PACRG: variants seen among roughly 807,000 people sequenced by gnomAD.
PACRG encodes the protein parkin coregulated gene protein.
Under a neutral mutation model 29.7 loss-of-function variants are expected in PACRG, and 29 were observed. That is an observed-to-expected ratio of 0.98 (90% CI 0.73 to 1.33). The LOEUF is 1.33. Among genes scored for constraint, PACRG ranks in the 40% most tolerant of loss-of-function variants. The pLI is 0.00. For missense variants in PACRG, 279 were observed against 316.2 expected (o/e 0.88, Z 0.89); for synonymous variants, 116 against 118.7 (o/e 0.98, Z 0.15).
At chr6:162,772,065 A>T (rs935070498) in intron 1 of PACRG, among the ~76,000 whole-genome samples, 1 of 152,198 alleles carries the variant, frequency 6.6e-6, no homozygotes, top group Non-Finnish European at 1.5e-5. Flanking sequence ...AAAAGATAAG[A>T]TGGAAGGGCA....
chr6:162,837,624 A>C (rs532454886), intron 2 of PACRG, among the ~76,000 whole-genome samples: 2 of 152,336 alleles, frequency 1.3e-5, no homozygotes, highest in Non-Finnish European at 2.9e-5. Context: ...CAAGGAAATC[A>C]AATGACATTT....
intron 1 of PACRG, among the ~76,000 whole-genome samples, chr6:162,804,695 C>T (rs562157493): frequency 1.3e-5 from 2 of 152,268 alleles, no homozygotes; most frequent in South Asian, 2.1e-4. Context: ...TTCTGTTAGA[C>T]CTTGACTGAA....
intron 2 of PACRG, among the ~76,000 whole-genome samples, chr6:162,907,217 C>T (rs750829852): frequency 7.9e-5 from 12 of 151,974 alleles, no homozygotes; most frequent in Non-Finnish European, 1.8e-4. Context: ...GAAATTTTGC[C>T]CTTTAAATGT....
intron 2 of PACRG, among the ~76,000 whole-genome samples, chr6:162,947,908 C>G (rs1393935300): frequency 6.6e-6 from 1 of 151,328 alleles, no homozygotes; most frequent in South Asian, 2.1e-4. Flanking sequence ...AAAGAGGACA[C>G]AAACAAAGGT....
chr6:162,759,549 TA>T (rs1326469143), intron 1 of PACRG, among the ~76,000 whole-genome samples: 1 of 152,216 alleles, frequency 6.6e-6, no homozygotes, highest in East Asian at 1.9e-4. Context: ...CTTACTCCAT[TA>T]TTTCATTTTC....
At chr6:162,950,141 T>C (rs1799534793) in intron 2 of PACRG, among the ~76,000 whole-genome samples, 1 of 152,242 alleles carries the variant, frequency 6.6e-6, no homozygotes, top group Admixed American at 6.5e-5. Context: ...GTTTCCATTT[T>C]TTCTTTGAAC....
chr6:162,948,256 A>C (rs1799391771), intron 2 of PACRG, among the ~76,000 whole-genome samples: 1 of 152,110 alleles, frequency 6.6e-6, no homozygotes, highest in Non-Finnish European at 1.5e-5. Context: ...TTACAACCAG[A>C]TGATTTTTGA....
intron 4 of PACRG, among the ~76,000 whole-genome samples, chr6:163,236,612 A>G (rs1186611225): frequency 6.6e-6 from 1 of 152,162 alleles, no homozygotes; most frequent in Non-Finnish European, 1.5e-5. Context: ...AAGAGCCATA[A>G]TCAATTACAA....
intron 1 of PACRG, among the ~76,000 whole-genome samples, chr6:162,811,580 A>G (rs1196320773): frequency 1.3e-5 from 2 of 152,184 alleles, no homozygotes; most frequent in Non-Finnish European, 2.9e-5. Flanking sequence ...TTGAACATTT[A>G]GTTATAATGA....
chr6:162,815,671 G>T (rs533080402), intron 2 of PACRG, among the ~76,000 whole-genome samples: 2 of 151,678 alleles, frequency 1.3e-5, no homozygotes, highest in Non-Finnish European at 2.9e-5. Context: ...AATTTATAGC[G>T]TGTATAACTA....
intron 2 of PACRG, among the ~76,000 whole-genome samples, chr6:162,849,488 A>AC (rs36043423): frequency 6.6e-6 from 1 of 152,014 alleles, no homozygotes; most frequent in East Asian, 1.9e-4. Flanking sequence ...CAAACAGTGC[A>AC]CCCCCCAGGG....
intron 4 of PACRG, among the ~76,000 whole-genome samples, chr6:163,185,218 G>A (rs987966014): frequency 3.9e-5 from 6 of 151,942 alleles, no homozygotes. Flanking sequence ...TACGCTGGGA[G>A]TCATCACAAT....
At chr6:162,954,150 T>TA (rs1175907164) in intron 2 of PACRG, among the ~76,000 whole-genome samples, 1 of 152,194 alleles carries the variant, frequency 6.6e-6, no homozygotes, top group Non-Finnish European at 1.5e-5. Context: ...TATGTTAGAG[T>TA]ATCATCTACC....
At chr6:163,037,162 A>AATC (rs533409850) in intron 2 of PACRG, among the ~76,000 whole-genome samples, 226 of 152,184 alleles carry the variant, frequency 1.5e-3, no homozygotes, top group Middle Eastern at 0.014. Flanking sequence ...CCACTCATGA[A>AATC]ATCTGGGAGT....
chr6:163,089,500 T>G, intron 4 of PACRG, 92 bp downstream of exon 4: 1 of 1,429,186 alleles, frequency 7.0e-7, no homozygotes, highest in South Asian at 1.3e-5. Flanking sequence ...TTAGGATTTA[T>G]TATTGCATAT....
intron 1 of PACRG, among the ~76,000 whole-genome samples, chr6:162,804,112 C>G (rs1786110709): frequency 6.6e-6 from 1 of 152,078 alleles, no homozygotes; most frequent in Non-Finnish European, 1.5e-5. Context: ...AATATGGTAT[C>G]TGCAGTGCTA....
chr6:163,079,683 G>T (rs963812378), intron 3 of PACRG, among the ~76,000 whole-genome samples: 9 of 152,020 alleles, frequency 5.9e-5, no homozygotes, highest in African/African-American at 2.2e-4. Context: ...AGTTATTGAT[G>T]TCAGGCTTAG....
At chr6:162,892,290 G>A (rs1259199484) in intron 2 of PACRG, among the ~76,000 whole-genome samples, 1 of 152,186 alleles carries the variant, frequency 6.6e-6, no homozygotes, top group Non-Finnish European at 1.5e-5. Context: ...CACTGGATCA[G>A]TCTCTTCAAA....
chr6:163,011,099 G>T (rs1805571403), intron 2 of PACRG, among the ~76,000 whole-genome samples: 1 of 141,176 alleles, frequency 7.1e-6, no homozygotes, highest in African/African-American at 2.5e-5. Flanking sequence ...TGAGTAAGGG[G>T]TAGAGAAGAG....
Sources: gnomAD v4.1 joint callset for allele counts (sites outside exome capture counted in the v4.1 genomes callset) on GRCh38, gnomAD v4.1.1 for gene constraint, MANE v1.5 for transcripts, NCBI Gene and HGNC (gene_info 2026-07-23, HGNC 2026-07-21) for gene names.